Variants in KIAA1210 observed in about 807,000 individuals in gnomAD.
The protein encoded by KIAA1210 is KIAA1210.
In KIAA1210, 48 loss-of-function variants were observed where a neutral mutation model predicts 78.9. The ratio of observed to expected loss-of-function variants is 0.61; its 90% CI spans 0.48 to 0.77. The LOEUF is 0.77. Among genes scored for constraint, KIAA1210 ranks in the 30% least tolerant of loss-of-function variants. The probability of loss-of-function intolerance (pLI) is 0.00; values close to 1 mark genes in which losing one functional copy is unlikely to be tolerated. For synonymous variants in KIAA1210, 406 were observed against 404.5 expected (o/e 1.00, Z -0.04); for missense variants, 1,108 against 1,100.0 (o/e 1.01, Z -0.10).
chrX:119,112,215 G>C (rs1234639652), intron 3 of KIAA1210, among the ~76,000 whole-genome samples: 2 of 111,579 alleles, frequency 1.8e-5, no homozygotes, highest in Non-Finnish European at 1.9e-5. Context: ...AAATTACCCA[G>C]TCTCAGGTAG....
chrX:119,139,870 C>T (rs1397176963), intron 2 of KIAA1210, among the ~76,000 whole-genome samples: 1 of 111,931 alleles, frequency 8.9e-6, no homozygotes, highest in Non-Finnish European at 1.9e-5. Flanking sequence ...AATGAGGCCT[C>T]TAGCAATTTT....
chrX:119,141,075 G>A (rs1375608807), intron 2 of KIAA1210, among the ~76,000 whole-genome samples: 1 of 111,940 alleles, frequency 8.9e-6, no homozygotes, highest in East Asian at 2.8e-4. Flanking sequence ...TGATCTACTG[G>A]GTTCTAGTGC....
chrX:119,140,945 C>A (rs1353462252), intron 2 of KIAA1210, among the ~76,000 whole-genome samples: 1 of 112,076 alleles, frequency 8.9e-6, no homozygotes, highest in Non-Finnish European at 1.9e-5. Flanking sequence ...GGATATTCCC[C>A]CTCCTCTTTC....
intron 2 of KIAA1210, among the ~76,000 whole-genome samples, chrX:119,140,720 G>A (rs1325799656): frequency 9.0e-6 from 1 of 111,173 alleles, no homozygotes; most frequent in Non-Finnish European, 1.9e-5. Flanking sequence ...TTGGCTTCTG[G>A]GGCCACAAGG....
chrX:119,122,362 G>A (rs968628869), intron 2 of KIAA1210, among the ~76,000 whole-genome samples: 6 of 111,727 alleles, frequency 5.4e-5, no homozygotes, highest in African/African-American at 9.7e-5. Flanking sequence ...GAGCCACCAC[G>A]CCCAGCTGGA....
At chrX:119,120,649 C>T (rs1210941104) in intron 2 of KIAA1210, among the ~76,000 whole-genome samples, 1 of 112,140 alleles carries the variant, frequency 8.9e-6, no homozygotes, top group Non-Finnish European at 1.9e-5. Context: ...GCATATAGTC[C>T]AATTTCCCCC....
rs191198407 is a variant in KIAA1210, at chrX:119,109,698, A to T, written c.231-496T>A. On this transcript the variant is annotated intron_variant, in intron 3 of 11. Transcript: ENST00000691062. ...TTGTTATTATTACAGTGAGAATTATAAAAGATCTTTCACATCCAAATTTCT... is the reference window on the plus strand; with the variant it reads ...TTGTTATTATTACAGTGAGAATTATTAAAGATCTTTCACATCCAAATTTCT... Among the ~76,000 whole-genome samples the T allele has an allele frequency of 1.8e-4, 20 of 112,107 alleles. No homozygotes were observed. The Admixed American group carries it at 1.8e-3, about 10-fold the overall frequency.
intron 2 of KIAA1210, among the ~76,000 whole-genome samples, chrX:119,144,489 G>A (rs1188531436): frequency 8.9e-6 from 1 of 112,059 alleles, no homozygotes; most frequent in Non-Finnish European, 1.9e-5. Context: ...ACAGCTAGGG[G>A]AGAAGCACTA....
chrX:119,133,076 C>A (rs984727993), intron 2 of KIAA1210, among the ~76,000 whole-genome samples: 1 of 111,415 alleles, frequency 9.0e-6, no homozygotes, highest in South Asian at 3.8e-4. Flanking sequence ...CTAGAGGGAG[C>A]GTCTGATGCC....
In KIAA1210 at chrX:119,150,290, C is replaced by G. The variant is rs1929263018; in HGVS notation, c.289+1G>C. The G allele has an allele frequency of 8.3e-7, 1 of 1,201,495 alleles. No homozygotes were observed. The highest frequency in any genetic ancestry group is 2.2e-5 in the Admixed American group (1 of 44,947). ...AAGGCTGTAGGAGTGCCACAAAGTA[C>G]CCCTGCACCAAGTGGTAGGGAATCG... On this transcript the variant is annotated splice_donor_variant, in intron 1 of 13. Transcript: ENST00000402510. LOFTEE classifies it high-confidence loss of function.
At chrX:119,121,052 G>A (rs1207085318) in intron 2 of KIAA1210, among the ~76,000 whole-genome samples, 2 of 111,392 alleles carry the variant, frequency 1.8e-5, no homozygotes, top group African/African-American at 3.3e-5. Context: ...TCCCATGAAT[G>A]AAGACGAGCC....
In KIAA1210 at chrX:119,088,460, G is replaced by T; in HGVS notation, c.2242C>A (p.Gln748Lys). 8.3e-7 allele frequency: 1 copy of T among 1,211,088 alleles called. No individual in the cohort carries two copies. Among genetic ancestry groups the T allele is most frequent in the African/African-American group, 1.7e-5 (1 of 57,727 alleles). The change falls in exon 9 of 12, where the codon CAG becomes AAG. Residue 748 changes from glutamine (Q) to lysine (K), a missense_variant. Coordinates refer to ENST00000691062, the MANE Select transcript of KIAA1210 (RefSeq NM_001394962.1). ...ACTGAACTGGTGGGGACTTGTTGCT[G>T]AACAGTAGGATTCATAATGGGCTGA... is the stretch of plus-strand genomic sequence containing the variant. ...PSQPIMNPTV[Q>K]QQVPTSSVGT...
upstream of KIAA1210, among the ~76,000 whole-genome samples, chrX:119,128,650 A>G (rs1167946275): frequency 2.7e-5 from 3 of 110,589 alleles, no homozygotes; most frequent in Non-Finnish European, 5.7e-5. Flanking sequence ...TCTCCATCCC[A>G]TTATTCTTTT....
At chrX:119,083,155 G>A in intron 10 of KIAA1210, 35 bp from the exon 11 acceptor site, 1 of 1,076,376 alleles carries the variant, frequency 9.3e-7, no homozygotes, top group Middle Eastern at 2.5e-4. Flanking sequence ...AAGCTTGTAA[G>A]TTCTGACATT....
At chrX:119,138,342 C>A (rs1273080742) in intron 2 of KIAA1210, among the ~76,000 whole-genome samples, 1 of 106,842 alleles carries the variant, frequency 9.4e-6, no homozygotes, top group Non-Finnish European at 1.9e-5. Context: ...CCTCAGCTTC[C>A]CGAGTAGCTG....
chrX:119,094,582 C>T (rs1361690474), intron 7 of KIAA1210, among the ~76,000 whole-genome samples: 2 of 112,273 alleles, frequency 1.8e-5, no homozygotes, highest in African/African-American at 6.5e-5. Flanking sequence ...TCATCATTTA[C>T]TTGCTGCGTG....
At chrX:119,128,452 G>A (rs1928703847), upstream of KIAA1210, among the ~76,000 whole-genome samples, 1 of 104,888 alleles carries the variant, frequency 9.5e-6, no homozygotes, top group African/African-American at 3.5e-5. Flanking sequence ...CCTTCACCTA[G>A]CCTCACTGGC....
At chrX:119,090,019 C>T (rs1037337624) in intron 8 of KIAA1210, among the ~76,000 whole-genome samples, 4 of 111,564 alleles carry the variant, frequency 3.6e-5, no homozygotes, top group Non-Finnish European at 7.5e-5. Context: ...CAGTGTGAGA[C>T]ACATCAGAAG....
At chrX:119,143,747 G>A (rs1235484997) in intron 2 of KIAA1210, among the ~76,000 whole-genome samples, 2 of 112,213 alleles carry the variant, frequency 1.8e-5, no homozygotes, top group African/African-American at 6.5e-5. Context: ...AACATAAGGT[G>A]ACAAGGGAAC....
Sources: gnomAD v4.1 joint callset for allele counts (sites outside exome capture counted in the v4.1 genomes callset) on GRCh38, gnomAD v4.1.1 for gene constraint, MANE v1.5 for transcripts, NCBI Gene and HGNC (gene_info 2026-07-23, HGNC 2026-07-21) for gene names.